The following ARRB1 variants were observed in gnomAD, a reference collection of about 807,000 sequenced individuals.
ARRB1 encodes arrestin beta 1.
ARRB1 carries 21 observed loss-of-function variants against 56.8 expected under a neutral mutation model. The ratio of observed to expected loss-of-function variants is 0.37; its 90% confidence interval spans 0.26 to 0.53. The LOEUF (loss-of-function observed/expected upper bound fraction) is 0.53, where lower values mean the gene tolerates loss of function less well. ARRB1 is among the 20% of genes least tolerant of loss of function. The pLI is 0.88. For missense variants in ARRB1, 424 were observed against 553.7 expected (o/e 0.77, Z 2.35); for synonymous variants, 210 against 218.6 (o/e 0.96, Z 0.35).
At chr11:75,336,649 G>A (rs1206848342) in intron 1 of ARRB1, among the ~76,000 whole-genome samples, 1 of 152,114 alleles carries the variant, frequency 6.6e-6, no homozygotes, top group Non-Finnish European at 1.5e-5. Context: ...GATGGCTGAC[G>A]ACCCTCATGT....
At chr11:75,274,339 GAC>G in intron 10 of ARRB1, 128 bp from the exon 11 acceptor site, 1 of 1,365,886 alleles carries the variant, frequency 7.3e-7, no homozygotes, top group East Asian at 2.3e-5. Flanking sequence ...CTGTCCCCCA[GAC>G]ACACGGACCA....
At chr11:75,289,006 C>G (rs1018864778) in intron 2 of ARRB1, among the ~76,000 whole-genome samples, 1 of 152,170 alleles carries the variant, frequency 6.6e-6, no homozygotes, top group African/African-American at 2.4e-5. Context: ...TCTGATCTAC[C>G]GGCGGGGAGA....
chr11:75,343,941 G>A (rs1947729892), intron 1 of ARRB1, among the ~76,000 whole-genome samples: 1 of 152,018 alleles, frequency 6.6e-6, no homozygotes, highest in African/African-American at 2.4e-5. Flanking sequence ...TCAGCCTCCG[G>A]AGTAGCTGGG....
intron 1 of ARRB1, among the ~76,000 whole-genome samples, chr11:75,336,271 A>G (rs1440231942): frequency 6.6e-6 from 1 of 152,224 alleles, no homozygotes; most frequent in Non-Finnish European, 1.5e-5. Context: ...TCTGAGGAAG[A>G]GCACATGGCC....
At chr11:75,343,352 A>G (rs1196854934) in intron 1 of ARRB1, among the ~76,000 whole-genome samples, 2 of 152,168 alleles carry the variant, frequency 1.3e-5, no homozygotes, top group Non-Finnish European at 2.9e-5. Context: ...CAGGTACTGA[A>G]AGCCAGCAAT....
At chr11:75,338,718 G>A (rs1947649999) in intron 1 of ARRB1, among the ~76,000 whole-genome samples, 1 of 152,154 alleles carries the variant, frequency 6.6e-6, no homozygotes, top group Non-Finnish European at 1.5e-5. Flanking sequence ...AGTCAGCGCA[G>A]GGAGAAACGA....
chr11:75,315,837 C>T (rs943554117), intron 1 of ARRB1, among the ~76,000 whole-genome samples: 7 of 152,204 alleles, frequency 4.6e-5, no homozygotes, highest in Non-Finnish European at 1.0e-4. Flanking sequence ...CCTGGAACTC[C>T]GTCAGCAGGG....
intron 1 of ARRB1, among the ~76,000 whole-genome samples, chr11:75,299,480 A>G (rs894615839): frequency 6.6e-6 from 1 of 152,070 alleles, no homozygotes; most frequent in Non-Finnish European, 1.5e-5. Context: ...AGTAGGGAAA[A>G]TCTGGACCCT....
At chr11:75,335,732 G>A (rs931267801) in intron 1 of ARRB1, among the ~76,000 whole-genome samples, 1 of 152,082 alleles carries the variant, frequency 6.6e-6, no homozygotes, top group Non-Finnish European at 1.5e-5. Flanking sequence ...CTGGAATCCT[G>A]GGCCTGGAAT....
At chr11:75,350,271 T>A (rs986312521) in intron 1 of ARRB1, among the ~76,000 whole-genome samples, 1 of 152,102 alleles carries the variant, frequency 6.6e-6, no homozygotes, top group African/African-American at 2.4e-5. Flanking sequence ...TGTTAGCTCC[T>A]TCAGGGGAGG....
chr11:75,345,083 G>C (rs374303981), intron 1 of ARRB1, among the ~76,000 whole-genome samples: 1 of 152,200 alleles, frequency 6.6e-6, no homozygotes, highest in Non-Finnish European at 1.5e-5. Flanking sequence ...TGTGGCCTCA[G>C]CCAGGTGCCG....
intron 1 of ARRB1, chr11:75,306,810 G>T (rs753813252): frequency 3.8e-6 from 2 of 522,560 alleles, no homozygotes; most frequent in Non-Finnish European, 6.0e-6. Flanking sequence ...CATGGAGGGC[G>T]GATGTCCCTG....
rs1001692930 is a variant in ARRB1 at position 75,344,989 on chromosome 11, C to G, written c.20+6599G>C. ...CATTGCATCCTGCCTCCCGCTGACT[C>G]GACATCAGTCACAGTGCTTCCAGTG... On this transcript the variant is annotated intron_variant, in intron 1 of 15. Coordinates refer to ENST00000420843, the MANE Select transcript of ARRB1 (RefSeq NM_004041.5). Among the ~76,000 whole-genome samples, 5 of 152,174 alleles carry G rather than the reference C, an allele frequency of 3.3e-5. No homozygotes were observed. In the South Asian group the frequency reaches 8.3e-4, roughly 25 times the overall value.
intron 1 of ARRB1, among the ~76,000 whole-genome samples, chr11:75,324,395 C>T (rs1356480672): frequency 6.6e-6 from 1 of 152,178 alleles, no homozygotes; most frequent in Non-Finnish European, 1.5e-5. Flanking sequence ...CCGTGCGAAG[C>T]TCCTCTGAGT....
chr11:75,286,345 T>C (rs937323689), intron 3 of ARRB1, among the ~76,000 whole-genome samples: 3 of 133,902 alleles, frequency 2.2e-5, no homozygotes, highest in African/African-American at 5.5e-5. Flanking sequence ...TCTCGCTAAC[T>C]GCAACTCTGC....
intron 5 of ARRB1, among the ~76,000 whole-genome samples, chr11:75,282,572 C>T (rs932090667): frequency 6.6e-6 from 1 of 152,210 alleles, no homozygotes; most frequent in Non-Finnish European, 1.5e-5. Context: ...GTGGACGCTC[C>T]CCGAGGGCCT....
intron 1 of ARRB1, among the ~76,000 whole-genome samples, chr11:75,349,771 C>T (rs1043444255): frequency 6.6e-6 from 1 of 152,254 alleles, no homozygotes; most frequent in Admixed American, 6.5e-5. Context: ...ACAGTGCTGG[C>T]CAGCCAGCTG....
chr11:75,313,963 G>A (rs763536199), intron 1 of ARRB1, among the ~76,000 whole-genome samples: 1 of 152,164 alleles, frequency 6.6e-6, no homozygotes, highest in Non-Finnish European at 1.5e-5. Flanking sequence ...CTGATCACGT[G>A]CCTCCTCTGC....
chr11:75,306,903 T>A (rs55708216), intron 1 of ARRB1, among the ~76,000 whole-genome samples: 7,985 of 152,156 alleles, frequency 0.052, 724 homozygotes, highest in African/African-American at 0.18. Flanking sequence ...TAGACCACTT[T>A]CCATTCCAGC....
Sources: allele counts gnomAD v4.1 joint callset (sites outside exome capture counted in the v4.1 genomes callset), GRCh38; gene constraint gnomAD v4.1.1; transcripts MANE v1.5; gene names NCBI Gene and HGNC (gene_info 2026-07-23, HGNC 2026-07-21).